Variants in DNAH11 observed in about 807,000 individuals in gnomAD.
The protein encoded by DNAH11 is dynein axonemal heavy chain 11, also known as axonemal beta dynein heavy chain 11.
In DNAH11, 442 loss-of-function variants were observed where a neutral mutation model predicts 526.0. The ratio of observed to expected loss-of-function variants is 0.84; its 90% CI spans 0.78 to 0.91. The LOEUF (loss-of-function observed/expected upper bound fraction) is 0.91. Ranked by LOEUF, DNAH11 falls within the 40% of genes least tolerant of loss-of-function variation. The probability of loss-of-function intolerance (pLI) is 0.00; values close to 1 mark genes in which losing one functional copy is unlikely to be tolerated. For synonymous variants in DNAH11, 2,461 were observed against 1,935.9 expected, an observed-to-expected ratio of 1.27 and a Z score of -7.12; for missense variants, 6,989 against 5,448.7, an observed-to-expected ratio of 1.28 and a Z score of -8.90.
At chr7:21,562,848 A>C (rs1299272827) in intron 5 of DNAH11, among the ~76,000 whole-genome samples, 1 of 152,178 alleles carries the variant, frequency 6.6e-6, no homozygotes, top group Non-Finnish European at 1.5e-5. Context: ...TAGACAGATG[A>C]ACTGGTTACA....
intron 74 of DNAH11, among the ~76,000 whole-genome samples, chr7:21,879,631 A>G (rs1459771941): frequency 1.3e-5 from 2 of 152,186 alleles, no homozygotes; most frequent in Non-Finnish European, 2.9e-5. Context: ...AAGAGAATCA[A>G]AACTATAGGG....
At chr7:21,900,837 G>A in intron 81 of DNAH11, 170 bp from the exon 82 acceptor site, 2 of 1,108,236 alleles carry the variant, frequency 1.8e-6, no homozygotes, top group African/African-American at 1.6e-5. Flanking sequence ...TGCAGGCAGG[G>A]TAACCTACCT....
At chr7:21,741,859 A>G in intron 48 of DNAH11, 68 bp from the exon 49 acceptor site, 1 of 1,557,518 alleles carries the variant, frequency 6.4e-7, no homozygotes, top group Non-Finnish European at 8.7e-7. Flanking sequence ...AGTGAAAAAA[A>G]ATCAGGTCTT....
intron 65 of DNAH11, among the ~76,000 whole-genome samples, chr7:21,818,826 T>C (rs1026234453): frequency 1.9e-4 from 29 of 152,178 alleles, no homozygotes; most frequent in Admixed American, 1.2e-3. Flanking sequence ...AGTTCATTAG[T>C]GGGTCCCTGA....
chr7:21,683,009 T>A (rs776265895), intron 31 of DNAH11, among the ~76,000 whole-genome samples: 2 of 152,226 alleles, frequency 1.3e-5, no homozygotes, highest in Non-Finnish European at 2.9e-5. Flanking sequence ...TATCTTCTTA[T>A]ATATTTTATT....
chr7:21,897,288 TG>T (rs1420090732), intron 79 of DNAH11, among the ~76,000 whole-genome samples: 1 of 152,192 alleles, frequency 6.6e-6, no homozygotes, highest in Non-Finnish European at 1.5e-5. Flanking sequence ...TTGGATTTGC[TG>T]GTGGTTTTTC....
At chr7:21,655,665 C>A (rs1781980869) in intron 28 of DNAH11, among the ~76,000 whole-genome samples, 167 bp from the exon 29 acceptor site, 1 of 152,150 alleles carries the variant, frequency 6.6e-6, no homozygotes, top group South Asian at 2.1e-4. Context: ...CCACCAAGAT[C>A]CTTTCAAGCT....
At chr7:21,598,586 A>AAAAT (rs57037889) in intron 14 of DNAH11, among the ~76,000 whole-genome samples, 45,245 of 148,518 alleles carry the variant, frequency 0.3, 7,902 homozygotes, top group Non-Finnish European at 0.4. Flanking sequence ...ATGGTATGCA[A>AAAAT]AAATAAATAA....
At position 21,848,177 on chromosome 7, in the gene DNAH11, A is replaced by G. The variant is rs73075527; in HGVS notation, c.10897-4290A>G. 9.0e-3 allele frequency among the ~76,000 whole-genome samples: 1,365 copies of G among 151,878 alleles called. 20 individuals carry two copies. The highest frequency in any genetic ancestry group is 0.013 in the Non-Finnish European group (850 of 67,960). On this transcript the variant is annotated intron_variant, in intron 66 of 81. Coordinates refer to ENST00000409508, the MANE Select transcript of DNAH11 (RefSeq NM_001277115.2). The stretch of plus-strand genomic sequence containing the variant: ...GCGAGACTCTGTTTCAAAAAAAAAA[A>G]AAAAAAGATTATTATGCTTTCAGGG...
intron 28 of DNAH11, among the ~76,000 whole-genome samples, chr7:21,653,408 G>T (rs1308525092): frequency 6.6e-6 from 1 of 152,124 alleles, no homozygotes; most frequent in African/African-American, 2.4e-5. Flanking sequence ...AGAAATAGGA[G>T]AACTCTGCCT....
chr7:21,702,558 C>T (rs1170825007), intron 36 of DNAH11, among the ~76,000 whole-genome samples, 152 bp from the exon 37 acceptor site: 1 of 151,738 alleles, frequency 6.6e-6, no homozygotes, highest in African/African-American at 2.4e-5. Context: ...ATGATTTTCA[C>T]AGTTTCAAAG....
intron 57 of DNAH11, among the ~76,000 whole-genome samples, chr7:21,781,047 G>A (rs189658836): frequency 6.4e-4 from 97 of 152,274 alleles, no homozygotes; most frequent in African/African-American, 2.2e-3. Flanking sequence ...AAACTAGAAA[G>A]CATCTAGAAA....
At chr7:21,659,685 G>A (rs1191570111) in intron 30 of DNAH11, among the ~76,000 whole-genome samples, 1 of 152,028 alleles carries the variant, frequency 6.6e-6, no homozygotes, top group Non-Finnish European at 1.5e-5. Context: ...ATATGAAGTG[G>A]CTTTCCCAAT....
chr7:21,805,309 A>G (rs1789214814), intron 62 of DNAH11, among the ~76,000 whole-genome samples: 1 of 152,076 alleles, frequency 6.6e-6, no homozygotes. Flanking sequence ...TTTTTCCCCA[A>G]CTGAAATATG....
intron 18 of DNAH11, among the ~76,000 whole-genome samples, chr7:21,605,345 A>G (rs1785240620): frequency 6.6e-6 from 1 of 152,232 alleles, no homozygotes; most frequent in South Asian, 2.1e-4. Flanking sequence ...GAGATGACCG[A>G]GAGGAACAAT....
rs1039233944 is a variant in DNAH11 at position 21,543,298 on chromosome 7, C to T, written c.53C>T (p.Thr18Ile). ...GCGCGAGACTTCAGAGAAGCCCCGA[C>T]CCTTCGCCTAACCTCGGGGGCCGGC... ...REARDFREAP[T>I]LRLTSGAGLE... Residue 18 changes from threonine (T) to isoleucine (I), a missense_variant, in exon 1 of 82, where the codon ACC (threonine) becomes ATC (isoleucine). By Grantham distance (89) the Thr-to-Ile change is moderately conservative. Coordinates refer to ENST00000409508, the MANE Select transcript of DNAH11 (RefSeq NM_001277115.2). 3.2e-6 allele frequency: 5 copies of T among 1,548,822 alleles called. No homozygotes were observed. In the African/African-American group the frequency reaches 5.5e-5, roughly 17 times the overall value.
intron 14 of DNAH11, among the ~76,000 whole-genome samples, chr7:21,596,532 C>T (rs1026191422): frequency 6.6e-6 from 1 of 152,136 alleles, no homozygotes; most frequent in African/African-American, 2.4e-5. Flanking sequence ...TAGAATCTGT[C>T]TCATAGAGGA....
At chr7:21,870,327 A>G (rs912036816) in intron 73 of DNAH11, among the ~76,000 whole-genome samples, 63 of 152,288 alleles carry the variant, frequency 4.1e-4, no homozygotes, top group African/African-American at 1.5e-3. Context: ...GGATTCATAA[A>G]GAAGCTTCCA....
At chr7:21,717,201 T>G (rs1784699096) in intron 42 of DNAH11, among the ~76,000 whole-genome samples, 1 of 150,132 alleles carries the variant, frequency 6.7e-6, no homozygotes, top group Non-Finnish European at 1.5e-5. Flanking sequence ...TGTTTCAGAT[T>G]ACACACACAC....
Sources: gnomAD v4.1 joint callset for allele counts (sites outside exome capture counted in the v4.1 genomes callset) on GRCh38, gnomAD v4.1.1 for gene constraint, MANE v1.5 for transcripts, NCBI Gene and HGNC (gene_info 2026-07-23, HGNC 2026-07-21) for gene names.